The following TENM3 variants were observed in gnomAD, a reference collection of about 807,000 sequenced individuals.
TENM3 encodes the protein teneurin-3.
A neutral mutation model predicts 255.1 loss-of-function variants in TENM3; 63 were observed. The observed-to-expected ratio is 0.25, with a 90% CI of 0.20 to 0.30. The LOEUF (loss-of-function observed/expected upper bound fraction) is 0.30. Ranked by LOEUF, TENM3 falls within the 10% of genes least tolerant of loss-of-function variation. The probability of loss-of-function intolerance (pLI) is 1.00; values close to 1 mark genes in which losing one functional copy is unlikely to be tolerated. For synonymous variants in TENM3, 1,306 were observed against 1,322.3 expected (o/e 0.99, Z 0.27); for missense variants, 2,929 against 3,461.1 (o/e 0.85, Z 3.86).
At chr4:182,629,592 G>A (rs1581155270) in intron 5 of TENM3, among the ~76,000 whole-genome samples, 1 of 152,094 alleles carries the variant, frequency 6.6e-6, no homozygotes, top group Non-Finnish European at 1.5e-5. Flanking sequence ...TGACCACATT[G>A]TGTTTTGATC....
At chr4:181,910,712 G>C in the TENM3 span, among the ~76,000 whole-genome samples, 1 of 151,102 alleles carries the variant, frequency 6.6e-6, no homozygotes, top group Non-Finnish European at 1.5e-5. Context: ...TCTAGGCTCA[G>C]GTAATCCACC....
intron 3 of TENM3, among the ~76,000 whole-genome samples, chr4:182,590,000 C>A (rs114437708): frequency 1.3e-5 from 2 of 151,990 alleles, no homozygotes; most frequent in East Asian, 3.9e-4. Context: ...AAACAAAAAA[C>A]GTTTGATTTG....
At chr4:182,722,356 C>CA (rs1203976043) in intron 13 of TENM3, among the ~76,000 whole-genome samples, 1 of 152,132 alleles carries the variant, frequency 6.6e-6, no homozygotes, top group Non-Finnish European at 1.5e-5. Flanking sequence ...GTTTAGAACT[C>CA]ACAATCTTTA....
chr4:181,691,592 T>C, the TENM3 span, among the ~76,000 whole-genome samples: 1 of 152,054 alleles, frequency 6.6e-6, no homozygotes, highest in Non-Finnish European at 1.5e-5. Flanking sequence ...GGTAAATGGG[T>C]TTTATACAAA....
chr4:182,466,165 G>T (rs1649448215), intron 3 of TENM3, among the ~76,000 whole-genome samples: 1 of 152,156 alleles, frequency 6.6e-6, no homozygotes, highest in Non-Finnish European at 1.5e-5. Flanking sequence ...GCATTTAAGG[G>T]TATGATTGTT....
intron 3 of TENM3, among the ~76,000 whole-genome samples, chr4:182,484,218 G>A (rs1285475967): frequency 6.6e-6 from 1 of 152,090 alleles, no homozygotes; most frequent in Non-Finnish European, 1.5e-5. Flanking sequence ...CGATAAAATA[G>A]GTACTATTTT....
At chr4:181,881,378 G>T in the TENM3 span, among the ~76,000 whole-genome samples, 1 of 151,934 alleles carries the variant, frequency 6.6e-6, no homozygotes, top group Non-Finnish European at 1.5e-5. Context: ...AAGTTAAGGG[G>T]AATAAGTTAA....
chr4:182,096,914 G>C, the TENM3 span, among the ~76,000 whole-genome samples: 4 of 152,310 alleles, frequency 2.6e-5, no homozygotes, highest in South Asian at 6.2e-4. Context: ...ACATTAAAAA[G>C]AGACTTAAAA....
At chr4:181,938,784 A>T in the TENM3 span, among the ~76,000 whole-genome samples, 6 of 152,182 alleles carry the variant, frequency 3.9e-5, no homozygotes, top group Non-Finnish European at 7.4e-5. Flanking sequence ...CTGTGGTCGC[A>T]AAAAAGCTAA....
chr4:182,120,130 T>A, the TENM3 span, among the ~76,000 whole-genome samples: 2 of 152,004 alleles, frequency 1.3e-5, no homozygotes, highest in African/African-American at 2.4e-5. Context: ...CACTCCTTTC[T>A]CTTCTTCACT....
At chr4:181,957,394 G>A in the TENM3 span, among the ~76,000 whole-genome samples, 1 of 152,150 alleles carries the variant, frequency 6.6e-6, no homozygotes, top group East Asian at 1.9e-4. Flanking sequence ...CAAAGTACAG[G>A]ATTAATTAAG....
chr4:182,628,585 C>G (rs568923169), intron 4 of TENM3, 66 bp from the exon 5 acceptor site: 2 of 1,034,250 alleles, frequency 1.9e-6, no homozygotes, highest in Admixed American at 4.2e-5. Flanking sequence ...CTAAATGCAT[C>G]GCTGTCTCTT....
chr4:181,479,579 A>G, the TENM3 span, among the ~76,000 whole-genome samples: 3 of 152,152 alleles, frequency 2.0e-5, no homozygotes, highest in South Asian at 6.2e-4. Flanking sequence ...TGTCATAAAT[A>G]TGGCCTCTTT....
chr4:182,509,402 T>G (rs558736697), intron 3 of TENM3, among the ~76,000 whole-genome samples: 6 of 152,312 alleles, frequency 3.9e-5, no homozygotes, highest in Admixed American at 1.3e-4. Flanking sequence ...TTCGTTTCAG[T>G]GATATTTTTT....
the TENM3 span, among the ~76,000 whole-genome samples, chr4:181,833,207 C>T: frequency 2.0e-5 from 3 of 152,080 alleles, no homozygotes; most frequent in African/African-American, 7.2e-5. Flanking sequence ...TATCAGAGAT[C>T]ACTGGCGCTG....
chr4:181,683,670 T>C, the TENM3 span, among the ~76,000 whole-genome samples: 101 of 152,244 alleles, frequency 6.6e-4, no homozygotes, highest in African/African-American at 2.3e-3. Flanking sequence ...CAGTTACTCG[T>C]GCAAGGCGAT....
At chr4:182,571,170 A>G (rs1744319564) in intron 3 of TENM3, among the ~76,000 whole-genome samples, 2 of 152,214 alleles carry the variant, frequency 1.3e-5, no homozygotes, top group Non-Finnish European at 2.9e-5. Context: ...GGCCCAGGCT[A>G]TGAAGATGAG....
chr4:181,486,901 ATCT>A, the TENM3 span, among the ~76,000 whole-genome samples: 13 of 152,296 alleles, frequency 8.5e-5, no homozygotes, highest in African/African-American at 2.9e-4. Context: ...TAAAAATATA[ATCT>A]TCTAATAGAA....
chr4:182,304,095 A>G (rs1001641528), intron 1 of TENM3, among the ~76,000 whole-genome samples: 1 of 152,088 alleles, frequency 6.6e-6, no homozygotes, highest in African/African-American at 2.4e-5. Flanking sequence ...AAAATAGACT[A>G]TGAAGACTAT....
Sources: gnomAD v4.1 joint callset for allele counts (sites outside exome capture counted in the v4.1 genomes callset) on GRCh38, gnomAD v4.1.1 for gene constraint, MANE v1.5 for transcripts, NCBI Gene and HGNC (gene_info 2026-07-23, HGNC 2026-07-21) for gene names.